The following FAHD1 variants were observed in gnomAD, a reference collection of about 807,000 sequenced individuals.
FAHD1 encodes FAH domain containing oxaloacetate decarboxylase 1, also known as oxaloacetate tautomerase FAHD1, mitochondrial.
FAHD1 carries 14 observed loss-of-function variants against 12.7 expected under a neutral mutation model. The ratio of observed to expected loss-of-function variants is 1.10; its 90% CI spans 0.73 to 1.72. The LOEUF is 1.72. FAHD1 is among the 40% of genes most tolerant of loss of function. FAHD1 has a pLI of 0.00. For synonymous variants in FAHD1, 153 were observed against 124.9 expected (o/e 1.22, Z -1.50); for missense variants, 351 against 298.9 (o/e 1.17, Z -1.29).
downstream of FAHD1, among the ~76,000 whole-genome samples, chr16:1,832,644 G>T (rs1277473452): frequency 6.6e-6 from 1 of 152,014 alleles, no homozygotes; most frequent in African/African-American, 2.4e-5. Context: ...AAAATTAACC[G>T]AGTAAGGTGG....
chr16:1,830,785 A>G (rs1898605088), downstream of FAHD1, among the ~76,000 whole-genome samples: 1 of 152,154 alleles, frequency 6.6e-6, no homozygotes, highest in Non-Finnish European at 1.5e-5. Flanking sequence ...AACCAATACA[A>G]TGAACTCCAT....
chr16:1,833,116 G>A (rs1898652514), downstream of FAHD1, among the ~76,000 whole-genome samples: 1 of 152,090 alleles, frequency 6.6e-6, no homozygotes, highest in Admixed American at 6.6e-5. Flanking sequence ...TGACCTTAGC[G>A]GTGGGTCTTC....
chr16:1,829,860 C>CTTTT (rs1898590445), downstream of FAHD1, among the ~76,000 whole-genome samples: 1 of 145,570 alleles, frequency 6.9e-6, no homozygotes. Flanking sequence ...TCTTTTTTTT[C>CTTTT]TTTCTTTCTT....
chr16:1,838,142 C>G (rs921941878), intron 2 of FAHD1: 4 of 546,598 alleles, frequency 7.3e-6, no homozygotes, highest in South Asian at 2.8e-5. Flanking sequence ...CAGGTATGCA[C>G]TACTCTTCTC....
downstream of FAHD1, among the ~76,000 whole-genome samples, chr16:1,830,392 G>T (rs1389307503): frequency 6.6e-6 from 1 of 152,208 alleles, no homozygotes; most frequent in African/African-American, 2.4e-5. Context: ...ATCAAAGGGC[G>T]TGCTCATGCT....
intron 1 of FAHD1, chr16:1,837,709 C>G (rs1005220428): frequency 1.3e-6 from 1 of 753,106 alleles, no homozygotes; most frequent in African/African-American, 1.8e-5. Flanking sequence ...TCGAATTTAT[C>G]TAGGTTTTTC....
exon 1 of FAHD1, chr16:1,828,200 G>A (rs1898546255): frequency 2.3e-6 from 2 of 870,654 alleles, no homozygotes; most frequent in Admixed American, 5.3e-5. Flanking sequence ...AGAATCAATT[G>A]AACCCGGGAG....
In FAHD1 at chr16:1,828,047, C is replaced by T. The variant is rs138005809; in HGVS notation, c.*143C>T. 1,191 of 1,414,978 alleles carry T rather than the reference C, an allele frequency of 8.4e-4. 17 individuals carry two copies. The African/African-American group carries it at 0.015, about 18-fold the overall frequency. 87.7% of individuals were successfully genotyped at this position (1,414,978 alleles called of 1,614,324 possible). A position where few individuals can be genotyped will look rare whatever the true frequency, so the allele number is the denominator to read the frequency against. ...CTGTAATCGCAGCACTTTGGGAGGC[C>T]GAGGCGGGCGGCTCACGACGTCAGG... On this transcript the variant is annotated 3_prime_UTR_variant, in exon 1 of 1. Coordinates refer to ENST00000427358, the Ensembl canonical transcript of FAHD1.
downstream of FAHD1, among the ~76,000 whole-genome samples, chr16:1,832,589 C>T (rs1342181313): frequency 6.6e-6 from 1 of 152,014 alleles, no homozygotes; most frequent in Non-Finnish European, 1.5e-5. Context: ...AATTCAAGAC[C>T]AGCCTGGGCA....
At chr16:1,837,797 T>A in intron 1 of FAHD1, 1 of 1,520,394 alleles carries the variant, frequency 6.6e-7, no homozygotes, top group Non-Finnish European at 8.9e-7. Context: ...TAAATAAATT[T>A]TGCTTCTTTC....
downstream of FAHD1, among the ~76,000 whole-genome samples, chr16:1,831,608 A>C (rs1898620868): frequency 6.6e-6 from 1 of 152,178 alleles, no homozygotes; most frequent in African/African-American, 2.4e-5. Context: ...TGCTATTAGA[A>C]ACAATGATGC....
At chr16:1,835,714 G>A (rs1264828148) in intron 1 of FAHD1, among the ~76,000 whole-genome samples, 1 of 152,166 alleles carries the variant, frequency 6.6e-6, no homozygotes, top group African/African-American at 2.4e-5. Context: ...TGATTCGAAT[G>A]ACCCTGCTCA....
chr16:1,838,197 A>C, intron 2 of FAHD1: 1 of 466,428 alleles, frequency 2.1e-6, no homozygotes, highest in East Asian at 3.2e-5. Context: ...ACAGGGTCTC[A>C]CTATGTTGCC....
At chr16:1,830,945 C>CACACACACACACACACACACACACACA (rs1555470125), downstream of FAHD1, among the ~76,000 whole-genome samples, 1 of 19,436 alleles carries the variant, frequency 5.1e-5, no homozygotes, top group African/African-American at 8.6e-5. Flanking sequence ...CACACACACA[C>CACACACACACACACACACACACACACA]CCATATTTTG....
At chr16:1,832,872 C>T (rs758283257), downstream of FAHD1, among the ~76,000 whole-genome samples, 5 of 152,266 alleles carry the variant, frequency 3.3e-5, no homozygotes, top group East Asian at 1.9e-4. Flanking sequence ...TAGGTCAAGT[C>T]GTTCATTACC....
In FAHD1 at chr16:1,834,171, T is replaced by G. The variant is rs1259228050; in HGVS notation, c.628-3845T>G. ...CACCACATGTAAACAAAATGCAATTTTCCCCATAATTTTCAAATTAATATT... is the reference window on the plus strand; with the variant it reads ...CACCACATGTAAACAAAATGCAATTGTCCCCATAATTTTCAAATTAATATT... On this transcript the variant is annotated intron_variant, in intron 1 of 2. Coordinates refer to the FAHD1 transcript ENST00000382666. The G allele has an allele frequency of 4.1e-6, 3 of 728,684 alleles. No individual in the cohort carries two copies. In the Admixed American group the frequency reaches 7.8e-5, roughly 19 times the overall value. The allele number at this position is 728,684 out of a possible 1,614,324, so 45.1% of individuals were successfully genotyped here.
intron 2 of FAHD1, among the ~76,000 whole-genome samples, chr16:1,838,873 G>A (rs1898820402): frequency 6.6e-6 from 1 of 152,004 alleles, no homozygotes. Context: ...TGTATTTTTA[G>A]TAGAAATGGG....
At chr16:1,833,554 C>CTT (rs769668788), downstream of FAHD1, among the ~76,000 whole-genome samples, 2,206 of 114,234 alleles carry the variant, frequency 0.019, 118 homozygotes, top group African/African-American at 0.072. Flanking sequence ...TTTAGAGGTA[C>CTT]TTTTTTTTTT....
At chr16:1,828,985 C>T (rs1898572446), downstream of FAHD1, 3 of 931,102 alleles carry the variant, frequency 3.2e-6, no homozygotes, top group Non-Finnish European at 3.9e-6. Context: ...GGCTTCAGAC[C>T]TTAGTCTTTG....
Sources: gnomAD v4.1 joint callset for allele counts (sites outside exome capture counted in the v4.1 genomes callset) on GRCh38, gnomAD v4.1.1 for gene constraint, MANE v1.5 for transcripts, NCBI Gene and HGNC (gene_info 2026-07-23, HGNC 2026-07-21) for gene names.